LACTB2: variants seen among roughly 807,000 people sequenced by gnomAD.
The protein encoded by LACTB2 is endoribonuclease LACTB2.
A neutral mutation model predicts 34.8 loss-of-function variants in LACTB2; 32 were observed. The observed-to-expected ratio is 0.92, with a 90% CI of 0.69 to 1.24. The LOEUF (loss-of-function observed/expected upper bound fraction) is 1.24. Among genes scored for constraint, LACTB2 ranks in the 50% most tolerant of loss-of-function variants. The probability of loss-of-function intolerance (pLI) is 0.00; values close to 1 mark genes in which losing one functional copy is unlikely to be tolerated. For missense variants in LACTB2, 320 were observed against 345.0 expected (o/e 0.93, Z 0.57); for synonymous variants, 120 against 117.5 (o/e 1.02, Z -0.14).
exon 1 of LACTB2, chr8:70,669,184 AGGCC>A: frequency 6.3e-7 from 1 of 1,582,722 alleles, no homozygotes; most frequent in Non-Finnish European, 8.6e-7. Context: ...AGAAGCCAAC[AGGCC>A]GGGGATAGCG....
chr8:70,638,526 G>T (rs1438314566), intron 6 of LACTB2, 22 bp downstream of exon 6: 7 of 1,523,506 alleles, frequency 4.6e-6, no homozygotes, highest in Non-Finnish European at 5.3e-6. Context: ...GGTAATAGAA[G>T]AAAATTTGGA....
In LACTB2 at chr8:70,669,185, G is replaced by C; in HGVS notation, c.-65C>G. Reference sequence around the variant, plus strand: ...TACTCCAGCGCGGAAGAAGCCAACAGGCCGGGGATAGCGAGTAGCGTCCAC... The same window carrying C: ...TACTCCAGCGCGGAAGAAGCCAACACGCCGGGGATAGCGAGTAGCGTCCAC... On this transcript the variant is annotated 5_prime_UTR_variant, in exon 1 of 7. Coordinates refer to ENST00000276590, the MANE Select transcript of LACTB2 (RefSeq NM_016027.3). 16 of 1,580,118 alleles carry C rather than the reference G, an allele frequency of 1.0e-5. No individual in the cohort carries two copies. The highest frequency in any genetic ancestry group is 1.4e-5 in the Non-Finnish European group (16 of 1,163,248).
At chr8:70,641,327 A>G (rs1290655782) in intron 4 of LACTB2, among the ~76,000 whole-genome samples, 3 of 152,180 alleles carry the variant, frequency 2.0e-5, no homozygotes, top group Non-Finnish European at 4.4e-5. Context: ...ACACAGCAAT[A>G]AAAATAGCAA....
chr8:70,668,906 G>A (rs919687495), intron 1 of LACTB2, 93 bp downstream of exon 1: 67 of 1,508,694 alleles, frequency 4.4e-5, no homozygotes, highest in Middle Eastern at 2.4e-4. Flanking sequence ...GACAGGACGC[G>A]GCGCTCTCCA....
Position 70,637,690 on chromosome 8 carries a change from T to C in LACTB2, c.*170A>G. ...GTTAGAGAAATAACCTATCATATGG[T>C]TGTATAGTGTAATTTACATATTTTA... is the stretch of plus-strand genomic sequence containing the variant. On this transcript the variant is annotated 3_prime_UTR_variant, in exon 7 of 7. Transcript: ENST00000276590. 1 of 402,338 alleles carries C rather than the reference T, an allele frequency of 2.5e-6. No homozygotes were observed. The highest frequency in any genetic ancestry group is 4.5e-6 in the Non-Finnish European group (1 of 223,604). The allele number at this position is 402,338 out of a possible 1,614,324, so 24.9% of individuals were successfully genotyped here.
intron 2 of LACTB2, chr8:70,660,855 G>A (rs1310173015): frequency 2.2e-6 from 1 of 455,782 alleles, no homozygotes. Context: ...TTGGCTTACT[G>A]CAGCCTCAGC....
At chr8:70,642,851 A>G (rs1818216362) in intron 4 of LACTB2, among the ~76,000 whole-genome samples, 1 of 152,202 alleles carries the variant, frequency 6.6e-6, no homozygotes, top group South Asian at 2.1e-4. Flanking sequence ...CTGAGACACT[A>G]ACATGTTTCT....
intron 4 of LACTB2, among the ~76,000 whole-genome samples, chr8:70,642,262 C>G (rs1818207671): frequency 6.6e-6 from 1 of 152,112 alleles, no homozygotes; most frequent in Admixed American, 6.5e-5. Flanking sequence ...ACAAACCCCC[C>G]CAAAGCTATC....
chr8:70,651,524 TTTC>T (rs146009469), intron 3 of LACTB2, among the ~76,000 whole-genome samples: 3,018 of 152,240 alleles, frequency 0.02, 95 homozygotes, highest in African/African-American at 0.069. Context: ...AACCCCAATC[TTTC>T]TTTTTTTAAT....
chr8:70,641,036 T>A lies in LACTB2; in HGVS notation c.607A>T (p.Ile203Phe). The change falls in exon 5 of 7, where the codon ATT (isoleucine) becomes TTT (phenylalanine). Residue 203 changes from isoleucine to phenylalanine, a missense_variant. By Grantham distance (21) the Ile-to-Phe change is conservative. Coordinates refer to ENST00000276590, the MANE Select transcript of LACTB2 (RefSeq NM_016027.3). ...TGAATTTTAGCTTCAGCATTATGAA[T>A]TACTGGGCCATGTCCTGAATTAAAA... ...DIIYPGHGPV[I>F]HNAEAKIQQY... is the part of the protein sequence containing the mutation. The A allele has an allele frequency of 6.2e-7, 1 of 1,601,960 alleles. No homozygotes were observed. The highest frequency in any genetic ancestry group is 8.5e-7 in the Non-Finnish European group (1 of 1,176,532).
rs777193899 is a variant in LACTB2, at chr8:70,668,951, C to G, written c.122+48G>C. The G allele has an allele frequency of 1.7e-5, 27 of 1,551,562 alleles. No homozygotes were observed. In the East Asian group the frequency reaches 6.5e-4, roughly 38 times the overall value. On this transcript the variant is annotated intron_variant, in intron 1 of 6. Transcript: ENST00000276590. The stretch of plus-strand genomic sequence containing the variant: ...CAGCCGCGATCAGTCAAAGCCCGGG[C>G]TCCGGGGCCGGCTGCGAACGTTGGG...
At chr8:70,658,445 A>G (rs1158312419) in intron 2 of LACTB2, among the ~76,000 whole-genome samples, 1 of 152,216 alleles carries the variant, frequency 6.6e-6, no homozygotes, top group Non-Finnish European at 1.5e-5. Flanking sequence ...TTGAGTGCCA[A>G]TTAACTAACC....
intron 3 of LACTB2, among the ~76,000 whole-genome samples, chr8:70,656,929 G>A (rs972251512): frequency 3.3e-5 from 5 of 152,076 alleles, no homozygotes; most frequent in Non-Finnish European, 1.5e-5. Flanking sequence ...AGCAGTGCAA[G>A]GTAATCCTGA....
Position 70,637,980 on chromosome 8 carries a change from T to TA in LACTB2, c.824-78dup, listed in dbSNP as rs1047408483. ...ACTGAATTTTAAGTTACCTTGTGGC[T>TA]AGAAAAAGCATTCATTCTTAAAATA... On this transcript the variant is annotated intron_variant, in intron 6 of 6. Transcript: ENST00000276590. The TA allele has an allele frequency of 1.4e-4, 112 of 775,500 alleles. No homozygotes were observed. The African/African-American group carries it at 1.8e-3, about 12-fold the overall frequency. The allele number at this position is 775,500 out of a possible 1,614,324, so 48.0% of individuals were successfully genotyped here.
At position 70,637,700 on chromosome 8, in the gene LACTB2, T is replaced by C; in HGVS notation, c.*160A>G. On this transcript the variant is annotated 3_prime_UTR_variant, in exon 7 of 7. Coordinates refer to ENST00000276590, the MANE Select transcript of LACTB2 (RefSeq NM_016027.3). ...TAACCTATCATATGGTTGTATAGTG[T>C]AATTTACATATTTTAGCATAAATAT... is the stretch of plus-strand genomic sequence containing the variant. 1 of 425,966 alleles carries C rather than the reference T, an allele frequency of 2.3e-6. No individual in the cohort carries two copies. Among genetic ancestry groups the C allele is most frequent in the Non-Finnish European group, 4.2e-6 (1 of 238,400 alleles). The allele number at this position is 425,966 out of a possible 1,614,324, so 26.4% of individuals were successfully genotyped here.
intron 1 of LACTB2, chr8:70,662,494 G>C (rs1282345813): frequency 6.6e-6 from 1 of 152,064 alleles, no homozygotes; most frequent in Non-Finnish European, 1.5e-5. Flanking sequence ...GAAAATGAAG[G>C]CTTTAGTGAA....
intron 3 of LACTB2, among the ~76,000 whole-genome samples, chr8:70,655,657 C>A (rs900276711): frequency 4.6e-5 from 7 of 152,190 alleles, no homozygotes; most frequent in Admixed American, 2.0e-4. Context: ...CTGCTATGAA[C>A]ATGTGTATGC....
chr8:70,662,078 A>T, intron 1 of LACTB2, 181 bp from the exon 2 acceptor site: 1 of 497,686 alleles, frequency 2.0e-6, no homozygotes, highest in Middle Eastern at 4.6e-4. Context: ...AAGTTTTCTG[A>T]GAAAAATTAG....
Position 70,668,760 on chromosome 8 carries a change from T to G in LACTB2, c.122+239A>C, listed in dbSNP as rs1181813368. Among the ~76,000 whole-genome samples the G allele has an allele frequency of 2.0e-5, 3 of 149,448 alleles. No homozygotes were observed. The East Asian group carries it at 5.8e-4, about 29-fold the overall frequency. ...TTTCAAAACAGAAGTTTTTTTTTTT[T>G]TTTTTTTTTTTTTTTCCATTTCTCC... On this transcript the variant is annotated intron_variant, in intron 1 of 6. Coordinates refer to ENST00000276590, the MANE Select transcript of LACTB2 (RefSeq NM_016027.3).
Sources: allele counts gnomAD v4.1 joint callset (sites outside exome capture counted in the v4.1 genomes callset), GRCh38; gene constraint gnomAD v4.1.1; transcripts MANE v1.5; gene names NCBI Gene and HGNC (gene_info 2026-07-23, HGNC 2026-07-21).